The following AKNA variants were observed in gnomAD, a reference collection of about 807,000 sequenced individuals.
AKNA encodes the protein AT-hook transcription factor, also known as microtubule organization protein AKNA.
Under a neutral mutation model 138.8 loss-of-function variants are expected in AKNA, and 67 were observed. The ratio of observed to expected loss-of-function variants is 0.48; its 90% CI spans 0.40 to 0.59. The LOEUF (loss-of-function observed/expected upper bound fraction) is 0.59, where lower values mean the gene tolerates loss of function less well. Ranked by LOEUF, AKNA falls within the 20% of genes least tolerant of loss-of-function variation. The pLI is 0.00. For synonymous variants in AKNA, 737 were observed against 754.4 expected, an observed-to-expected ratio of 0.98 and a Z score of 0.38; for missense variants, 1,813 against 1,880.4, an observed-to-expected ratio of 0.96 and a Z score of 0.66.
intron 11 of AKNA, chr9:114,358,399 A>C: frequency 1.9e-6 from 1 of 539,370 alleles, no homozygotes; most frequent in Non-Finnish European, 3.2e-6. Flanking sequence ...AACCCACCCA[A>C]CACCAAAGAG....
intron 19 of AKNA, among the ~76,000 whole-genome samples, chr9:114,342,602 G>A (rs76071776): frequency 0.022 from 3,387 of 151,940 alleles, 111 homozygotes; most frequent in African/African-American, 0.077. Context: ...AGAGGCAAAA[G>A]GGAACAGGAG....
intron 9 of AKNA, 131 bp from the exon 10 acceptor site, chr9:114,360,193 C>T: frequency 9.3e-7 from 1 of 1,073,336 alleles, no homozygotes; most frequent in Non-Finnish European, 1.4e-6. Context: ...AAGCCCACCA[C>T]CCTTTTATGT....
At position 114,383,287 on chromosome 9, in the gene AKNA, T is replaced by G. The variant is rs1002368630; in HGVS notation, c.-113-1841A>C. ...CCTCAACCCTCTCCTTCTTTCCCTC[T>G]TTCCTTCTCCCTCTCATCTCCTTTT... On this transcript the variant is annotated intron_variant, in intron 1 of 21. Transcript: ENST00000374088. 18 of 446,428 alleles carry G rather than the reference T, an allele frequency of 4.0e-5. No homozygotes were observed. The Admixed American group carries it at 4.4e-4, about 11-fold the overall frequency. 27.7% of individuals were successfully genotyped at this position (446,428 alleles called of 1,614,324 possible).
intron 1 of AKNA, among the ~76,000 whole-genome samples, chr9:114,393,932 G>A (rs1834447449): frequency 6.6e-6 from 1 of 152,144 alleles, no homozygotes; most frequent in Non-Finnish European, 1.5e-5. Context: ...CAGCATTTTG[G>A]GAGGCTGAGG....
At chr9:114,331,590 C>T (rs200383484), downstream of AKNA, 2 of 1,613,940 alleles carry the variant, frequency 1.2e-6, no homozygotes, top group African/African-American at 2.7e-5. Flanking sequence ...ACATGTTGCT[C>T]ACCTGCTGTT....
intron 4 of AKNA, among the ~76,000 whole-genome samples, chr9:114,369,518 T>G (rs192801261): frequency 6.6e-6 from 1 of 152,332 alleles, no homozygotes; most frequent in Admixed American, 6.5e-5. Flanking sequence ...CCCAGGTTCC[T>G]GTCTAGGCTC....
intron 4 of AKNA, among the ~76,000 whole-genome samples, chr9:114,372,287 CAT>C (rs1357844543): frequency 2.0e-5 from 3 of 152,106 alleles, no homozygotes; most frequent in South Asian, 2.1e-4. Context: ...CCCTCACACA[CAT>C]GAGCCAGGGG....
chr9:114,341,774 G>A lies in AKNA; in HGVS notation c.3875-49C>T, dbSNP rs755447777. ...AGAGACAGAGTCTGACCACTTGGCA[G>A]ATCCAGCCAAAGATGGAGGGTCCAC... On this transcript the variant is annotated intron_variant, in intron 20 of 21. Transcript: ENST00000374088. The A allele has an allele frequency of 5.3e-6, 8 of 1,522,454 alleles. No homozygotes were observed. In the African/African-American group the frequency reaches 8.4e-5, roughly 16 times the overall value. 94.3% of individuals were successfully genotyped at this position (1,522,454 alleles called of 1,614,324 possible). A position where few individuals can be genotyped will look rare whatever the true frequency, so the allele number is the denominator to read the frequency against.
chr9:114,369,720 CACT>C (rs796543816), intron 4 of AKNA, among the ~76,000 whole-genome samples: 13 of 152,242 alleles, frequency 8.5e-5, no homozygotes, highest in South Asian at 4.2e-4. Flanking sequence ...TCATCACCAC[CACT>C]GTCATTACCA....
At chr9:114,394,790 G>A (rs1834477870), upstream of AKNA, among the ~76,000 whole-genome samples, 1 of 152,220 alleles carries the variant, frequency 6.6e-6, no homozygotes. Flanking sequence ...TCCTCCAGAT[G>A]AATCCTTAGT....
At chr9:114,379,993 A>G (rs902917517) in intron 2 of AKNA, among the ~76,000 whole-genome samples, 1 of 152,142 alleles carries the variant, frequency 6.6e-6, no homozygotes, top group Non-Finnish European at 1.5e-5. Context: ...TCTACAAAAA[A>G]TACAAAAATT....
intron 14 of AKNA, among the ~76,000 whole-genome samples, chr9:114,354,585 C>T (rs866860887): frequency 3.3e-5 from 5 of 151,568 alleles, no homozygotes; most frequent in South Asian, 2.1e-4. Flanking sequence ...TGGTGGTGGG[C>T]GCCTGTAGTC....
intron 1 of AKNA, among the ~76,000 whole-genome samples, chr9:114,382,588 G>GAAAA (rs72172564): frequency 1.2e-5 from 1 of 84,724 alleles, no homozygotes; most frequent in African/African-American, 3.4e-5. Flanking sequence ...GTCTCAAAAG[G>GAAAA]AAAAAAAAAA....
chr9:114,362,570 A>C (rs755395991), intron 7 of AKNA, 37 bp from the exon 8 acceptor site: 1 of 1,604,402 alleles, frequency 6.2e-7, no homozygotes, highest in East Asian at 2.2e-5. Flanking sequence ...TTGAGTGCTC[A>C]GTCCCCGCGG....
At chr9:114,358,270 G>GTCAGACAT in intron 11 of AKNA, 103 bp from the exon 12 acceptor site, 4 of 1,501,160 alleles carry the variant, frequency 2.7e-6, no homozygotes, top group Non-Finnish European at 3.6e-6. Context: ...AAGCTCTGGA[G>GTCAGACAT]TCAGACATCC....
intron 6 of AKNA, among the ~76,000 whole-genome samples, chr9:114,365,205 G>A (rs1321672644): frequency 1.3e-5 from 2 of 152,200 alleles, no homozygotes; most frequent in Admixed American, 1.3e-4. Flanking sequence ...TGGAAGACAG[G>A]AATGAGAAGT....
chr9:114,341,386 G>A, intron 21 of AKNA, 147 bp downstream of exon 21: 2 of 989,260 alleles, frequency 2.0e-6, no homozygotes, highest in Non-Finnish European at 3.0e-6. Context: ...GACTATATGA[G>A]TGTTGGGCTC....
intron 19 of AKNA, 125 bp downstream of exon 19, chr9:114,343,583 G>T: frequency 2.1e-6 from 2 of 957,734 alleles, no homozygotes; most frequent in South Asian, 1.4e-5. Context: ...CCTCTTCCCT[G>T]GTCTGTCCCT....
At chr9:114,351,569 C>T (rs1044622094) in intron 14 of AKNA, among the ~76,000 whole-genome samples, 10 of 151,636 alleles carry the variant, frequency 6.6e-5, no homozygotes, top group African/African-American at 9.7e-5. Flanking sequence ...TCCCAGCACT[C>T]TGGGAGGCTG....
Sources: allele counts gnomAD v4.1 joint callset (sites outside exome capture counted in the v4.1 genomes callset), GRCh38; gene constraint gnomAD v4.1.1; transcripts MANE v1.5; gene names NCBI Gene and HGNC (gene_info 2026-07-23, HGNC 2026-07-21).